BTBD9: variants seen among roughly 807,000 people sequenced by gnomAD.
BTBD9 encodes BTB domain containing 9, also known as BTB/POZ domain-containing protein 9.
A neutral mutation model predicts 64.3 loss-of-function variants in BTBD9; 49 were observed. The observed-to-expected ratio is 0.76, with a 90% CI of 0.61 to 0.97. BTBD9 has a LOEUF of 0.97. Among genes scored for constraint, BTBD9 ranks in the 50% least tolerant of loss-of-function variants. BTBD9 has a pLI of 0.00. For synonymous variants in BTBD9, 260 were observed against 274.7 expected (o/e 0.95, Z 0.53); for missense variants, 598 against 762.1 (o/e 0.78, Z 2.53).
intron 6 of BTBD9, among the ~76,000 whole-genome samples, chr6:38,523,484 T>G (rs1050253632): frequency 6.6e-6 from 1 of 152,204 alleles, no homozygotes; most frequent in Non-Finnish European, 1.5e-5. Flanking sequence ...ACTACCCTTG[T>G]GCCCTGCCTT....
chr6:38,545,855 TACACACACACACACACACACACACACAC>T (rs34465570), intron 6 of BTBD9, among the ~76,000 whole-genome samples: 279 of 130,640 alleles, frequency 2.1e-3, no homozygotes, highest in African/African-American at 7.5e-3. Flanking sequence ...CACACACACA[TACACACACACACACACACACACACACAC>T]ACACACACAC....
In BTBD9 at chr6:38,357,157, T is replaced by A. The variant is rs1481233773; in HGVS notation, c.1155-12064A>T. On this transcript the variant is annotated intron_variant, in intron 6 of 10. Coordinates refer to ENST00000481247, the MANE Select transcript of BTBD9 (RefSeq NM_001099272.2). ...AGAGTTCTAGAAATAGGGGAGAGGA[T>A]CTAGAGCTCTTGATTGTTTCATAAA... Among the ~76,000 whole-genome samples the A allele has an allele frequency of 2.6e-5, 4 of 152,178 alleles. No individual in the cohort carries two copies. The East Asian group carries it at 5.8e-4, about 22-fold the overall frequency.
At chr6:38,287,912 T>C (rs1250330842) in intron 8 of BTBD9, among the ~76,000 whole-genome samples, 42 of 152,258 alleles carry the variant, frequency 2.8e-4, no homozygotes, top group Non-Finnish European at 2.9e-5. Context: ...TTGGTTCATA[T>C]GTAATTTATT....
chr6:38,602,672 A>C (rs1424067264), intron 1 of BTBD9, among the ~76,000 whole-genome samples: 2 of 152,030 alleles, frequency 1.3e-5, no homozygotes, highest in African/African-American at 4.8e-5. Context: ...GTTTGGCCAC[A>C]AAATTACAAA....
At chr6:38,500,869 G>A (rs750408360) in intron 6 of BTBD9, among the ~76,000 whole-genome samples, 1 of 152,254 alleles carries the variant, frequency 6.6e-6, no homozygotes, top group South Asian at 2.1e-4. Context: ...GGTCATAGGC[G>A]ACATGGCAGG....
At chr6:38,213,699 T>C (rs1762910910) in intron 9 of BTBD9, among the ~76,000 whole-genome samples, 1 of 152,088 alleles carries the variant, frequency 6.6e-6, no homozygotes, top group Non-Finnish European at 1.5e-5. Flanking sequence ...AAAAAAATCA[T>C]GGCTGGGCGT....
At chr6:38,233,118 T>C (rs1304188959) in intron 9 of BTBD9, among the ~76,000 whole-genome samples, 1 of 152,230 alleles carries the variant, frequency 6.6e-6, no homozygotes, top group Non-Finnish European at 1.5e-5. Context: ...TTAAATCTCA[T>C]TTTCTGCCCT....
chr6:38,438,231 G>C, intron 6 of BTBD9, among the ~76,000 whole-genome samples: 1 of 89,960 alleles, frequency 1.1e-5, no homozygotes, highest in Non-Finnish European at 2.6e-5. Flanking sequence ...AGGGAGGGAG[G>C]GAGGGAGGGA....
In BTBD9 at chr6:38,595,719, GA is replaced by G; in HGVS notation, c.186-1393del. 3.1e-6 allele frequency: 3 copies of G among 972,080 alleles called. No homozygotes were observed. In the South Asian group the frequency reaches 1.4e-4, roughly 46 times the overall value. 60.2% of individuals were successfully genotyped at this position (972,080 alleles called of 1,614,324 possible). ...GGACCTAGCATTCTTGCTTGCCCCA[GA>G]AAAATAGTTGAAACCACCCAGAAAA... On this transcript the variant is annotated intron_variant, in intron 2 of 10. Coordinates refer to ENST00000481247, the MANE Select transcript of BTBD9 (RefSeq NM_001099272.2).
intron 7 of BTBD9, among the ~76,000 whole-genome samples, chr6:38,297,367 G>GA (rs1016194673): frequency 2.3e-4 from 34 of 149,474 alleles, no homozygotes; most frequent in Non-Finnish European, 3.3e-4. Context: ...CTGACTTGAA[G>GA]AAAAAAAAAA....
chr6:38,530,327 T>A (rs1773733915), intron 6 of BTBD9, among the ~76,000 whole-genome samples: 1 of 152,248 alleles, frequency 6.6e-6, no homozygotes, highest in Admixed American at 6.5e-5. Flanking sequence ...CAGAAGCATG[T>A]GATCTTTGTT....
intron 6 of BTBD9, among the ~76,000 whole-genome samples, chr6:38,453,854 A>G (rs1037863152): frequency 2.6e-5 from 4 of 152,224 alleles, no homozygotes; most frequent in African/African-American, 9.6e-5. Context: ...CATTGGAAAA[A>G]GGGATAAGTT....
chr6:38,357,612 T>C (rs1254505626), intron 6 of BTBD9, among the ~76,000 whole-genome samples: 1 of 152,224 alleles, frequency 6.6e-6, no homozygotes, highest in Non-Finnish European at 1.5e-5. Flanking sequence ...AATAAAAATT[T>C]GAGCAGAGGT....
chr6:38,434,855 C>A (rs561717774), intron 6 of BTBD9, among the ~76,000 whole-genome samples: 8 of 151,926 alleles, frequency 5.3e-5, no homozygotes, highest in Non-Finnish European at 1.0e-4. Flanking sequence ...GGTTTCAGGA[C>A]CCCTGCAGAT....
At chr6:38,313,482 G>GT (rs1262956814) in intron 7 of BTBD9, among the ~76,000 whole-genome samples, 2 of 152,136 alleles carry the variant, frequency 1.3e-5, no homozygotes, top group Admixed American at 6.5e-5. Context: ...AATGATTTCA[G>GT]TTTTTCCCCA....
chr6:38,195,094 GC>G (rs1762230657), intron 9 of BTBD9, among the ~76,000 whole-genome samples: 1 of 152,200 alleles, frequency 6.6e-6, no homozygotes, highest in African/African-American at 2.4e-5. Context: ...AAGGAAATGA[GC>G]ATCTGTCTCC....
At chr6:38,560,010 C>T (rs189664363) in intron 6 of BTBD9, among the ~76,000 whole-genome samples, 125 of 152,228 alleles carry the variant, frequency 8.2e-4, no homozygotes, top group African/African-American at 2.7e-3. Context: ...TCTATCTATA[C>T]ATCAGCCTTG....
At chr6:38,298,848 T>C (rs1246008791) in intron 7 of BTBD9, among the ~76,000 whole-genome samples, 2 of 139,666 alleles carry the variant, frequency 1.4e-5, no homozygotes, top group Non-Finnish European at 3.0e-5. Context: ...AATGAAAGTA[T>C]TTCATTCTTT....
At chr6:38,420,673 T>C (rs2127275728) in intron 6 of BTBD9, among the ~76,000 whole-genome samples, 1 of 152,086 alleles carries the variant, frequency 6.6e-6, no homozygotes, top group Middle Eastern at 3.4e-3. Context: ...CTGGCCAACA[T>C]GGTGAAACTC....
Sources: allele counts gnomAD v4.1 joint callset (sites outside exome capture counted in the v4.1 genomes callset), GRCh38; gene constraint gnomAD v4.1.1; transcripts MANE v1.5; gene names NCBI Gene and HGNC (gene_info 2026-07-23, HGNC 2026-07-21).